The following PTN variants were observed in gnomAD, a reference collection of about 807,000 sequenced individuals.
The protein encoded by PTN is pleiotrophin, also known as heparin affin regulatory protein.
A neutral mutation model predicts 24.1 loss-of-function variants in PTN; 18 were observed. That is an observed-to-expected ratio of 0.75 (90% CI 0.52 to 1.11). The LOEUF (loss-of-function observed/expected upper bound fraction) is 1.11. Among genes scored for constraint, PTN ranks in the 50% least tolerant of loss-of-function variants. The pLI is 0.00. For missense variants in PTN, 163 were observed against 198.8 expected, an observed-to-expected ratio of 0.82 and a Z score of 1.08; for synonymous variants, 78 against 68.6, an observed-to-expected ratio of 1.14 and a Z score of -0.67.
intron 4 of PTN, among the ~76,000 whole-genome samples, chr7:137,242,546 ACTAAAAAGGG>A (rs1808649080): frequency 6.6e-6 from 1 of 152,220 alleles, no homozygotes; most frequent in South Asian, 2.1e-4. Context: ...GCTTATCTGT[ACTAAAAAGGG>A]CTTCACAACA....
At chr7:137,335,085 C>G (rs975248551) in intron 1 of PTN, among the ~76,000 whole-genome samples, 1 of 148,608 alleles carries the variant, frequency 6.7e-6, no homozygotes, top group Non-Finnish European at 1.5e-5. Context: ...GGAGATATAC[C>G]TAATGCTAAA....
chr7:137,255,911 A>G (rs1808914392), intron 1 of PTN, among the ~76,000 whole-genome samples: 1 of 152,192 alleles, frequency 6.6e-6, no homozygotes, highest in African/African-American at 2.4e-5. Context: ...CTGCTGTGTT[A>G]GTGGTGTGTT....
intron 1 of PTN, among the ~76,000 whole-genome samples, chr7:137,312,785 T>C (rs1204261011): frequency 2.0e-5 from 3 of 152,162 alleles, no homozygotes; most frequent in East Asian, 1.9e-4. Context: ...CAACTACCCA[T>C]ACGACAAATG....
chr7:137,305,679 A>G lies in PTN; in HGVS notation c.-2+37760T>C, dbSNP rs142498870. Among the ~76,000 whole-genome samples, 165 of 152,184 alleles carry G rather than the reference A, an allele frequency of 1.1e-3. 2 individuals are homozygous for G. Among genetic ancestry groups the G allele is most frequent in the Middle Eastern group, 3.4e-3 (1 of 294 alleles). On this transcript the variant is annotated intron_variant, in intron 1 of 4. Coordinates refer to ENST00000348225, the MANE Select transcript of PTN (RefSeq NM_002825.7). The stretch of plus-strand genomic sequence containing the variant: ...TGTCAGATTTCAAGAATATAAGAAA[A>G]TGCATGAAGAAAATGATGTATTACC...
chr7:137,311,620 T>G (rs1393950634), intron 1 of PTN, among the ~76,000 whole-genome samples: 1 of 152,204 alleles, frequency 6.6e-6, no homozygotes, highest in African/African-American at 2.4e-5. Flanking sequence ...GTTGGCCTAA[T>G]TTCAATATTT....
At chr7:137,285,495 G>A (rs999017524) in intron 1 of PTN, among the ~76,000 whole-genome samples, 2 of 151,980 alleles carry the variant, frequency 1.3e-5, no homozygotes, top group African/African-American at 2.4e-5. Context: ...GTAAAACCCC[G>A]TCTCTACTAA....
intron 1 of PTN, among the ~76,000 whole-genome samples, chr7:137,301,975 G>GT (rs1020142095): frequency 6.6e-6 from 1 of 151,772 alleles, no homozygotes; most frequent in African/African-American, 2.4e-5. Flanking sequence ...TTTTGTTATT[G>GT]TTTTTTCAAC....
At chr7:137,250,352 C>G (rs558910011) in intron 4 of PTN, among the ~76,000 whole-genome samples, 22 of 152,316 alleles carry the variant, frequency 1.4e-4, no homozygotes, top group African/African-American at 3.4e-4. Flanking sequence ...TCTTCTCCCT[C>G]TGTCTTCACA....
At chr7:137,248,919 TTTAC>T (rs1281758450) in intron 4 of PTN, among the ~76,000 whole-genome samples, 4 of 152,184 alleles carry the variant, frequency 2.6e-5, no homozygotes, top group African/African-American at 4.8e-5. Context: ...CCATAATTTA[TTTAC>T]GTATGAATAT....
intron 1 of PTN, among the ~76,000 whole-genome samples, chr7:137,329,042 C>A (rs1274423566): frequency 6.6e-6 from 1 of 152,068 alleles, no homozygotes; most frequent in African/African-American, 2.4e-5. Context: ...TTGGACTACA[C>A]CCTCAGTTCT....
At chr7:137,290,019 T>G (rs1372766664) in intron 1 of PTN, among the ~76,000 whole-genome samples, 1 of 152,152 alleles carries the variant, frequency 6.6e-6, no homozygotes, top group African/African-American at 2.4e-5. Flanking sequence ...ACAAAGAGGT[T>G]TAATTGGACT....
chr7:137,290,643 C>G (rs911410757), intron 1 of PTN, among the ~76,000 whole-genome samples: 1 of 152,080 alleles, frequency 6.6e-6, no homozygotes, highest in African/African-American at 2.4e-5. Flanking sequence ...ATTATTATCT[C>G]TTCTTATAGT....
intron 1 of PTN, among the ~76,000 whole-genome samples, chr7:137,328,583 G>A (rs1038297502): frequency 1.3e-5 from 2 of 152,118 alleles, no homozygotes; most frequent in African/African-American, 4.8e-5. Flanking sequence ...AACAAACCCG[G>A]CACTGTGGCC....
At chr7:137,324,805 T>TA (rs1205730121) in intron 1 of PTN, 1 of 152,082 alleles carries the variant, frequency 6.6e-6, no homozygotes, top group African/African-American at 2.4e-5. Context: ...AGGGTAATAA[T>TA]ACTAAAATGG....
At chr7:137,334,078 C>G (rs1810405425) in intron 1 of PTN, among the ~76,000 whole-genome samples, 1 of 152,118 alleles carries the variant, frequency 6.6e-6, no homozygotes, top group African/African-American at 2.4e-5. Flanking sequence ...AGACCTAAAA[C>G]CATAAAAACC....
intron 1 of PTN, among the ~76,000 whole-genome samples, chr7:137,313,884 T>C (rs929440755): frequency 9.2e-5 from 14 of 152,202 alleles, no homozygotes; most frequent in African/African-American, 2.9e-4. Context: ...CTCCTCAGAA[T>C]TGGATGTTCA....
intron 1 of PTN, among the ~76,000 whole-genome samples, chr7:137,329,378 C>T (rs934737730): frequency 3.3e-5 from 5 of 152,110 alleles, no homozygotes; most frequent in African/African-American, 9.7e-5. Flanking sequence ...CTAGGAGCAA[C>T]GTTTTAGAGG....
At chr7:137,303,929 CA>C (rs35629859) in intron 1 of PTN, among the ~76,000 whole-genome samples, 3 of 151,880 alleles carry the variant, frequency 2.0e-5, no homozygotes, top group Non-Finnish European at 2.9e-5. Context: ...CCACAACACA[CA>C]AAAAAATTTG....
intron 1 of PTN, among the ~76,000 whole-genome samples, chr7:137,258,999 C>T (rs1808985067): frequency 6.6e-6 from 1 of 152,026 alleles, no homozygotes; most frequent in Non-Finnish European, 1.5e-5. Flanking sequence ...ACCCCCTTTT[C>T]CTACTGCAAT....
Sources: allele counts gnomAD v4.1 joint callset (sites outside exome capture counted in the v4.1 genomes callset), GRCh38; gene constraint gnomAD v4.1.1; transcripts MANE v1.5; gene names NCBI Gene and HGNC (gene_info 2026-07-23, HGNC 2026-07-21).